ROBO2: variants seen among roughly 807,000 people sequenced by gnomAD.
ROBO2 encodes the protein roundabout guidance receptor 2.
In ROBO2, 53 loss-of-function variants were observed where a neutral mutation model predicts 160.8. The ratio of observed to expected loss-of-function variants is 0.33; its 90% CI spans 0.26 to 0.41. The LOEUF is 0.41. Ranked by LOEUF, ROBO2 falls within the 10% of genes least tolerant of loss-of-function variation. ROBO2 has a pLI of 1.00. For missense variants in ROBO2, 1,577 were observed against 1,722.4 expected (o/e 0.92, Z 1.49); for synonymous variants, 664 against 611.7 (o/e 1.09, Z -1.26).
intron 2 of ROBO2, among the ~76,000 whole-genome samples, chr3:76,862,311 A>G (rs1156564374): frequency 6.6e-6 from 1 of 152,138 alleles, no homozygotes; most frequent in African/African-American, 2.4e-5. Flanking sequence ...GTAGGAGGAG[A>G]AAAGATTTTC....
chr3:77,437,736 T>C (rs543456707), intron 2 of ROBO2, among the ~76,000 whole-genome samples: 3 of 151,964 alleles, frequency 2.0e-5, no homozygotes, highest in African/African-American at 4.8e-5. Flanking sequence ...GGTTTTTGAA[T>C]TGATGATTAC....
chr3:77,137,883 A>G (rs2076402149), intron 2 of ROBO2, among the ~76,000 whole-genome samples: 2 of 152,230 alleles, frequency 1.3e-5, no homozygotes, highest in South Asian at 2.1e-4. Flanking sequence ...TGGCCATCCC[A>G]GTATCTTCAG....
At chr3:77,084,454 T>C (rs1289990467) in intron 1 of ROBO2, among the ~76,000 whole-genome samples, 1 of 152,182 alleles carries the variant, frequency 6.6e-6, no homozygotes, top group East Asian at 1.9e-4. Context: ...ATCATTATTC[T>C]GTGTTTCACA....
In ROBO2 at chr3:77,540,076, C is replaced by T. The variant is rs2092385366; in HGVS notation, c.935-6262C>T. Among the ~76,000 whole-genome samples, 2 of 152,050 alleles carry T rather than the reference C, an allele frequency of 1.3e-5. 1 individual carries two copies. Among genetic ancestry groups the T allele is most frequent in the South Asian group, 4.1e-4 (2 of 4,824 alleles). On this transcript the variant is annotated intron_variant, in intron 6 of 25. Transcript: ENST00000461745. ...GGAGAAGAATAATTTGCAAGCATTG[C>T]TATGGTAAGTATTGTAGGTTTCACT...
At chr3:77,418,485 G>C (rs1192079122) in intron 2 of ROBO2, among the ~76,000 whole-genome samples, 1 of 152,034 alleles carries the variant, frequency 6.6e-6, no homozygotes, top group South Asian at 2.1e-4. Context: ...TATAATTTAT[G>C]ATTTGTTCTT....
chr3:77,518,739 C>A (rs7636649), intron 5 of ROBO2, among the ~76,000 whole-genome samples: 120,096 of 151,402 alleles, frequency 0.79, 48,361 homozygotes, highest in African/African-American at 0.93. Flanking sequence ...TAATCTTTTC[C>A]AACTTCAGTG....
intron 2 of ROBO2, among the ~76,000 whole-genome samples, chr3:77,226,484 C>A (rs753218968): frequency 1.3e-5 from 2 of 151,906 alleles, no homozygotes; most frequent in African/African-American, 4.8e-5. Context: ...GATTTTGGTG[C>A]CCATGCTAAA....
intron 2 of ROBO2, among the ~76,000 whole-genome samples, chr3:76,453,733 C>G (rs1378073079): frequency 6.6e-6 from 1 of 152,060 alleles, no homozygotes; most frequent in Non-Finnish European, 1.5e-5. Context: ...AATTAGGCAC[C>G]TTTGTATTTT....
intron 2 of ROBO2, among the ~76,000 whole-genome samples, chr3:76,154,427 G>T (rs1260407952): frequency 2.0e-5 from 3 of 152,080 alleles, no homozygotes; most frequent in African/African-American, 7.2e-5. Context: ...AAAAGTTCAC[G>T]AGAGCACAAC....
chr3:76,450,723 T>C (rs2077430225), intron 2 of ROBO2, among the ~76,000 whole-genome samples: 1 of 152,142 alleles, frequency 6.6e-6, no homozygotes, highest in Non-Finnish European at 1.5e-5. Context: ...ATTCTGTTAA[T>C]GAAGATCTAC....
intron 2 of ROBO2, among the ~76,000 whole-genome samples, chr3:76,999,917 T>C (rs2061247433): frequency 6.6e-6 from 1 of 152,200 alleles, no homozygotes; most frequent in Admixed American, 6.6e-5. Flanking sequence ...GGATAAATTT[T>C]CATTGCTTTT....
chr3:77,416,963 C>A (rs2077285023), intron 2 of ROBO2, among the ~76,000 whole-genome samples: 1 of 152,078 alleles, frequency 6.6e-6, no homozygotes, highest in South Asian at 2.1e-4. Flanking sequence ...AGAAGGTGAG[C>A]AAGCATAATG....
intron 2 of ROBO2, among the ~76,000 whole-genome samples, chr3:77,365,618 G>A (rs1312792493): frequency 1.3e-5 from 2 of 152,122 alleles, no homozygotes; most frequent in Non-Finnish European, 1.5e-5. Flanking sequence ...CTCACTTTGT[G>A]TACCACCAGT....
chr3:77,482,293 A>G (rs2153590122), intron 4 of ROBO2, among the ~76,000 whole-genome samples: 1 of 152,248 alleles, frequency 6.6e-6, no homozygotes. Flanking sequence ...TTCAGGACAC[A>G]CCCAAGTGTG....
At chr3:76,717,316 AC>A (rs898110213) in intron 2 of ROBO2, among the ~76,000 whole-genome samples, 72 of 151,960 alleles carry the variant, frequency 4.7e-4, no homozygotes, top group African/African-American at 1.7e-3. Context: ...AGATGGTGAA[AC>A]CCCGTCTCAA....
At chr3:77,126,022 C>A (rs1233699693) in intron 2 of ROBO2, among the ~76,000 whole-genome samples, 1 of 152,084 alleles carries the variant, frequency 6.6e-6, no homozygotes, top group Non-Finnish European at 1.5e-5. Context: ...ACATTTGACC[C>A]TAAATGACAA....
At chr3:77,319,183 C>T (rs749595894) in intron 2 of ROBO2, among the ~76,000 whole-genome samples, 13 of 152,132 alleles carry the variant, frequency 8.5e-5, no homozygotes, top group Non-Finnish European at 1.8e-4. Context: ...GCCAGGTGTT[C>T]GGAAGTTCAT....
intron 2 of ROBO2, among the ~76,000 whole-genome samples, chr3:76,438,957 G>C (rs2109092415): frequency 6.6e-6 from 1 of 152,098 alleles, no homozygotes; most frequent in Middle Eastern, 3.4e-3. Context: ...GTTGTGGTTT[G>C]AGAACAACAG....
chr3:76,068,161 A>G (rs909368944), intron 2 of ROBO2, among the ~76,000 whole-genome samples: 1 of 152,148 alleles, frequency 6.6e-6, no homozygotes, highest in African/African-American at 2.4e-5. Context: ...CCTAGTTGTT[A>G]AGAGTACAGA....
Sources: allele counts gnomAD v4.1 joint callset (sites outside exome capture counted in the v4.1 genomes callset), GRCh38; gene constraint gnomAD v4.1.1; transcripts MANE v1.5; gene names NCBI Gene and HGNC (gene_info 2026-07-23, HGNC 2026-07-21).